The following MYBPC3 variants were observed in gnomAD, a reference collection of about 807,000 sequenced individuals.
The protein encoded by MYBPC3 is myosin-binding protein C, cardiac-type.
Under a neutral mutation model 159.3 loss-of-function variants are expected in MYBPC3, and 108 were observed. That is an observed-to-expected ratio of 0.68 (90% CI 0.58 to 0.80). The LOEUF (loss-of-function observed/expected upper bound fraction) is 0.80, where lower values mean the gene tolerates loss of function less well. MYBPC3 is among the 30% of genes least tolerant of loss of function. The pLI, the probability that MYBPC3 is intolerant of heterozygous loss-of-function variation, is 0.00. For synonymous variants in MYBPC3, 730 were observed against 702.0 expected, an observed-to-expected ratio of 1.04 and a Z score of -0.63; for missense variants, 1,631 against 1,762.1, an observed-to-expected ratio of 0.93 and a Z score of 1.33.
Position 47,346,939 on chromosome 11 carries a change from C to T in MYBPC3, c.908+88G>A. The T allele has an allele frequency of 1.3e-6, 1 of 764,056 alleles. No homozygotes were observed. The highest frequency in any genetic ancestry group is 1.4e-5 in the South Asian group (1 of 73,694). 47.3% of individuals were successfully genotyped at this position (764,056 alleles called of 1,614,324 possible). On this transcript the variant is annotated intron_variant, in intron 10 of 34. Transcript: ENST00000545968. This position sits in a 1 kb window ranked among gnomAD's most constrained non-coding sequence, Gnocchi z 5.3. ...GAGCCGCACCCTGCTCTGAGTCTCTCACCACAGCCTCTCAGAGAGGGGACG... is the reference window on the plus strand; with the variant it reads ...GAGCCGCACCCTGCTCTGAGTCTCTTACCACAGCCTCTCAGAGAGGGGACG...
chr11:47,341,678 G>A (rs1249787698), intron 18 of MYBPC3, among the ~76,000 whole-genome samples: 1 of 150,060 alleles, frequency 6.7e-6, no homozygotes, highest in East Asian at 1.9e-4. Context: ...GACCCCGTCC[G>A]TGTCTCTCCC....
In MYBPC3 at chr11:47,333,295, C is replaced by A. The variant is rs397516009; in HGVS notation, c.3229G>T (p.Ala1077Ser). ...SPPQDLRVTD[A>S]WGLNVALEWK... ...TCCAGAGCCACATTAAGACCCCAGG[C>A]GTCAGTCACCCGGAGATCCTGGGGA... Residue 1077 changes from alanine to serine, a missense_variant, in exon 30 of 35, where the codon GCC becomes TCC. Coordinates refer to ENST00000545968, the MANE Select transcript of MYBPC3 (RefSeq NM_000256.3). The A allele has an allele frequency of 1.2e-5, 19 of 1,590,360 alleles. No individual in the cohort carries two copies. The African/African-American group carries it at 2.3e-4, about 19-fold the overall frequency.
rs985306546 is a variant in MYBPC3, at chr11:47,346,088, G to A, written c.1090+119C>T. On this transcript the variant is annotated intron_variant, in intron 12 of 34. Coordinates refer to ENST00000545968, the MANE Select transcript of MYBPC3 (RefSeq NM_000256.3). The surrounding 1 kb of genome is among the most constrained non-coding windows in gnomAD (Gnocchi z 5.3). ...TTTCCATGTATGTGGACGAGGTGGG[G>A]GGCTAACCTGTGCCCTCTCCTCTCC... 2 of 1,386,044 alleles carry A rather than the reference G, an allele frequency of 1.4e-6. No individual in the cohort carries two copies. Among genetic ancestry groups the A allele is most frequent in the African/African-American group, 2.9e-5 (2 of 69,804 alleles). 85.9% of individuals were successfully genotyped at this position (1,386,044 alleles called of 1,614,324 possible).
chr11:47,341,888 T>G (rs1405023882), intron 18 of MYBPC3, 103 bp downstream of exon 18: 3 of 1,451,794 alleles, frequency 2.1e-6, no homozygotes, highest in Admixed American at 4.2e-5. Context: ...CATCTGCCTC[T>G]CTGTCCACCT....
intron 1 of MYBPC3, among the ~76,000 whole-genome samples, chr11:47,352,285 C>T (rs2602329): frequency 6.6e-6 from 1 of 152,110 alleles, no homozygotes; most frequent in East Asian, 1.9e-4. Flanking sequence ...TAAACGTGGG[C>T]TCTGTCCGCG....
In MYBPC3 at chr11:47,351,113, G is replaced by C; in HGVS notation, c.292+126C>G. 8.0e-7 allele frequency: 1 copy of C among 1,243,782 alleles called. No individual in the cohort carries two copies. The allele number at this position is 1,243,782 out of a possible 1,614,324, so 77.0% of individuals were successfully genotyped here. A position where few individuals can be genotyped will look rare whatever the true frequency, so the allele number is the denominator to read the frequency against. ...AAGGGGGAAAGGGCGTTCCTGGCGG[G>C]GGGCACAGCCACAGCAAAGGCAAGA... On this transcript the variant is annotated intron_variant, in intron 2 of 34. Transcript: ENST00000545968. This position sits in a 1 kb window ranked among gnomAD's most constrained non-coding sequence, Gnocchi z 4.2.
chr11:47,334,138 C>T (rs139853164), intron 27 of MYBPC3, 128 bp from the exon 28 acceptor site: 192 of 890,976 alleles, frequency 2.2e-4, no homozygotes, highest in Non-Finnish European at 2.9e-4. Flanking sequence ...CTGGGCCCTG[C>T]GCCTCCTTTA....
intron 22 of MYBPC3, among the ~76,000 whole-genome samples, chr11:47,339,034 G>A (rs2095885557): frequency 6.6e-6 from 1 of 152,212 alleles, no homozygotes; most frequent in Non-Finnish European, 1.5e-5. Flanking sequence ...TTGAGAGGGA[G>A]CACAAGGTCA....
At position 47,349,781 on chromosome 11, in the gene MYBPC3, G is replaced by A; in HGVS notation, c.647C>T (p.Ala216Val). 6.2e-7 allele frequency: 1 copy of A among 1,605,184 alleles called. No individual in the cohort carries two copies. The highest frequency in any genetic ancestry group is 8.5e-7 in the Non-Finnish European group (1 of 1,179,630). Residue 216 changes from alanine to valine, a missense_variant, in exon 5 of 35, where the codon GCC (alanine) becomes GTC (valine). Physicochemically the swap from Ala to Val is moderately conservative, Grantham distance 64. Transcript: ENST00000545968. Reference sequence around the variant, plus strand: ...CGACCCCGGTGGACCCACCTTGCTGGCGCGGTCGTAGCTGTCGTGCAGCTG... The same window carrying A: ...CGACCCCGGTGGACCCACCTTGCTGACGCGGTCGTAGCTGTCGTGCAGCTG... ...HLQLHDSYDR[A>V]SKVYLFELHI...
Position 47,338,559 on chromosome 11 carries a change from C to T in MYBPC3, c.2269G>A (p.Val757Met), listed in dbSNP as rs369790992. Reference protein sequence around the residue: ...GVYTVTVKNPVGEDQVNLTVK... With the variant: ...GVYTVTVKNPMGEDQVNLTVK... Reference sequence around the variant, plus strand: ...GTGAGGTTGACCTGGTCCTCGCCCACAGGGTTCTTCACTGTGACCGTGTAG... The same window carrying T: ...GTGAGGTTGACCTGGTCCTCGCCCATAGGGTTCTTCACTGTGACCGTGTAG... The change falls in exon 23 of 35, where the codon GTG (valine) becomes ATG (methionine). Residue 757 changes from valine to methionine, a missense_variant. Physicochemically the swap from Val to Met is conservative, Grantham distance 21. Coordinates refer to ENST00000545968, the MANE Select transcript of MYBPC3 (RefSeq NM_000256.3). This position sits in a 1 kb window ranked among gnomAD's most constrained non-coding sequence, Gnocchi z 4.7. 6.6e-5 allele frequency: 107 copies of T among 1,613,958 alleles called. No individual in the cohort carries two copies. The highest frequency in any genetic ancestry group is 8.2e-5 in the Non-Finnish European group (97 of 1,179,914).
intron 13 of MYBPC3, 28 bp downstream of exon 13, chr11:47,343,464 G>A (rs372662336): frequency 1.5e-4 from 119 of 783,122 alleles, no homozygotes; most frequent in East Asian, 5.5e-5. Flanking sequence ...ACCTCCACCC[G>A]AGCCCCCCTC....
rs567634660 is a variant in MYBPC3, at chr11:47,348,354, G to A, written c.772+70C>T. 2,254 of 1,157,738 alleles carry A rather than the reference G, an allele frequency of 1.9e-3. 4 individuals carry two copies. Among genetic ancestry groups the A allele is most frequent in the Non-Finnish European group, 2.6e-3 (2,064 of 792,138 alleles). The allele number at this position is 1,157,738 out of a possible 1,614,324, so 71.7% of individuals were successfully genotyped here. A position where few individuals can be genotyped will look rare whatever the true frequency, so the allele number is the denominator to read the frequency against. ...GGGACGAGGCATCCTCCTTAGTGTTGGGAAAAGGAGGTAGGAGACCAGGAC... is the reference window on the plus strand; with the variant it reads ...GGGACGAGGCATCCTCCTTAGTGTTAGGAAAAGGAGGTAGGAGACCAGGAC... On this transcript the variant is annotated intron_variant, in intron 6 of 34. Transcript: ENST00000545968.
At chr11:47,341,945 C>A in intron 18 of MYBPC3, 46 bp downstream of exon 18, 1 of 1,548,692 alleles carries the variant, frequency 6.5e-7, no homozygotes. Flanking sequence ...CTCTCTGTCT[C>A]CATCTCAGTC....
rs1266617891 is a variant in MYBPC3, at chr11:47,332,310, C to T, written c.3628-52G>A. The T allele has an allele frequency of 6.3e-7, 1 of 1,585,386 alleles. No individual in the cohort carries two copies. Among genetic ancestry groups the T allele is most frequent in the Non-Finnish European group, 8.7e-7 (1 of 1,154,944 alleles). ...GAAGCCATCCAGGCTGAGAGGGGAC[C>T]TGGCAGGGACCCAGGGAGACACATC... On this transcript the variant is annotated intron_variant, in intron 32 of 34. Transcript: ENST00000545968. This position sits in a 1 kb window ranked among gnomAD's most constrained non-coding sequence, Gnocchi z 4.2.
Position 47,335,204 on chromosome 11 carries a change from C to G in MYBPC3, c.2743G>C (p.Glu915Gln). The change falls in exon 27 of 35, where the codon GAG becomes CAG. Residue 915 changes from glutamate (E) to glutamine (Q), a missense_variant. Coordinates refer to ENST00000545968, the MANE Select transcript of MYBPC3 (RefSeq NM_000256.3). ...SVEYCPEGCSEWVAALQGLTE... is the reference protein window; with the variant it reads ...SVEYCPEGCSQWVAALQGLTE... ...AGCCCCTGCAGGGCAGCCACCCACT[C>G]TGAGCCTGGGGGTGGGGAGGGGGAG... 6.3e-7 allele frequency: 1 copy of G among 1,591,630 alleles called. No individual in the cohort carries two copies. Among genetic ancestry groups the G allele is most frequent in the Non-Finnish European group, 8.6e-7 (1 of 1,167,392 alleles).
At chr11:47,344,795 C>A (rs1004257663) in intron 12 of MYBPC3, among the ~76,000 whole-genome samples, 5 of 152,172 alleles carry the variant, frequency 3.3e-5, no homozygotes, top group African/African-American at 9.7e-5. Context: ...GGAAGGAACT[C>A]ACTCACTTTT....
chr11:47,341,076 G>A, intron 19 of MYBPC3, 44 bp from the exon 20 acceptor site: 1 of 1,570,360 alleles, frequency 6.4e-7, no homozygotes, highest in Non-Finnish European at 8.7e-7. Context: ...CAAAGGCAGG[G>A]CCCAGTGACA....
chr11:47,334,150 CTCCT>C, intron 27 of MYBPC3, 140 bp from the exon 28 acceptor site: 1 of 774,392 alleles, frequency 1.3e-6, no homozygotes, highest in Non-Finnish European at 2.0e-6. Context: ...CCTCCTTTAG[CTCCT>C]GCTAACACAG....
In MYBPC3 at chr11:47,351,267, G is replaced by A. The variant is rs2095900576; in HGVS notation, c.264C>T (p.Val88=). The change falls in exon 2 of 35, where the codon GTC becomes GTT. Residue 88 remains valine, a synonymous_variant. Transcript: ENST00000545968. The surrounding 1 kb of genome is among the most constrained non-coding windows in gnomAD (Gnocchi z 4.2). The part of the protein sequence containing the change: ...SYAVIAGSSK[V]KFDLKVIEAE... ...CCTCTATGACCTTGAGGTCGAACTT[G>A]ACCTTGGAGGAGCCAGCAATGACTG... The A allele has an allele frequency of 6.6e-7, 1 of 1,524,420 alleles. No individual in the cohort carries two copies. The highest frequency in any genetic ancestry group is 8.9e-7 in the Non-Finnish European group (1 of 1,125,944). The allele number at this position is 1,524,420 out of a possible 1,614,324, so 94.4% of individuals were successfully genotyped here.
Sources: allele counts gnomAD v4.1 joint callset (sites outside exome capture counted in the v4.1 genomes callset), GRCh38; gene constraint gnomAD v4.1.1; non-coding constraint Gnocchi (gnomAD v3.1); transcripts MANE v1.5; gene names NCBI Gene and HGNC (gene_info 2026-07-23, HGNC 2026-07-21).